Variants in HPD observed in about 807,000 individuals in gnomAD.
HPD encodes 4-hydroxyphenylpyruvate dioxygenase, also known as 4-hydroxyphenylpyruvic acid oxidase.
A neutral mutation model predicts 56.9 loss-of-function variants in HPD; 35 were observed. The observed-to-expected ratio is 0.62, with a 90% CI of 0.47 to 0.82. The LOEUF is 0.82. Ranked by LOEUF, HPD falls within the 40% of genes least tolerant of loss-of-function variation. HPD has a pLI of 0.00. For synonymous variants in HPD, 186 were observed against 200.2 expected (o/e 0.93, Z 0.60); for missense variants, 442 against 506.8 (o/e 0.87, Z 1.23).
At chr12:121,854,553 C>A in intron 7 of HPD, 150 bp downstream of exon 7, 1 of 733,832 alleles carries the variant, frequency 1.4e-6, no homozygotes, top group Non-Finnish European at 2.5e-6. Context: ...TCCCCGTACA[C>A]TGGCCAGGCA....
the HPD span, among the ~76,000 whole-genome samples, chr12:121,878,657 T>C: frequency 2.0e-5 from 3 of 150,898 alleles, no homozygotes; most frequent in Admixed American, 6.6e-5. Flanking sequence ...GTTACAGATA[T>C]GTGTTTTGGT....
the HPD span, among the ~76,000 whole-genome samples, chr12:121,880,037 T>C: frequency 6.6e-6 from 1 of 151,746 alleles, no homozygotes; most frequent in Non-Finnish European, 1.5e-5. Flanking sequence ...GTCCCAGCTA[T>C]TGGGGAGGCT....
intron 13 of HPD, 21 bp downstream of exon 13, chr12:121,839,911 C>G: frequency 6.2e-7 from 1 of 1,604,226 alleles, no homozygotes. Flanking sequence ...TCCCCTCGGG[C>G]CTGCCGGGGA....
chr12:121,865,923 G>C (rs59071684), upstream of HPD, among the ~76,000 whole-genome samples: 3,235 of 152,064 alleles, frequency 0.021, 96 homozygotes, highest in African/African-American at 0.072. Flanking sequence ...AGAGGTGGAG[G>C]TTGCGGTAAG....
chr12:121,840,436 G>A (rs1293859094), intron 12 of HPD, among the ~76,000 whole-genome samples: 3 of 152,122 alleles, frequency 2.0e-5, no homozygotes, highest in Admixed American at 2.0e-4. Flanking sequence ...GAGTAGCTGG[G>A]ACTACAGGCG....
chr12:121,861,467 G>A (rs1385921419), upstream of HPD, among the ~76,000 whole-genome samples: 1 of 151,924 alleles, frequency 6.6e-6, no homozygotes, highest in Non-Finnish European at 1.5e-5. Context: ...GTGCCACTGC[G>A]CTCCAGCCTG....
intron 11 of HPD, among the ~76,000 whole-genome samples, chr12:121,845,175 A>G (rs1030198143): frequency 6.7e-6 from 1 of 149,648 alleles, no homozygotes; most frequent in South Asian, 2.1e-4. Context: ...GTGCAGTGGC[A>G]TGATCTTAGC....
intron 2 of HPD, 51 bp downstream of exon 2, chr12:121,858,636 G>T (rs372487301): frequency 3.2e-6 from 5 of 1,577,074 alleles, no homozygotes; most frequent in Non-Finnish European, 4.4e-6. Flanking sequence ...CCTGCACTCC[G>T]ACCCCCTTCT....
chr12:121,879,072 G>A, the HPD span, among the ~76,000 whole-genome samples: 1 of 151,952 alleles, frequency 6.6e-6, no homozygotes, highest in Non-Finnish European at 1.5e-5. Context: ...ATCGCCTGAG[G>A]TCAGGAGTTT....
At chr12:121,854,173 T>C (rs1333820898) in intron 7 of HPD, among the ~76,000 whole-genome samples, 2 of 151,688 alleles carry the variant, frequency 1.3e-5, no homozygotes, top group African/African-American at 2.4e-5. Flanking sequence ...GGAGAGTCAC[T>C]TGAACCTGGG....
intron 12 of HPD, among the ~76,000 whole-genome samples, chr12:121,842,507 C>T (rs1877439453): frequency 6.6e-6 from 1 of 152,020 alleles, no homozygotes. Context: ...CTCACTGTAG[C>T]CTCTACCTCC....
the HPD span, among the ~76,000 whole-genome samples, chr12:121,879,365 G>GA: frequency 6.6e-6 from 1 of 150,888 alleles, no homozygotes; most frequent in Non-Finnish European, 1.5e-5. Flanking sequence ...TAATTAAGAG[G>GA]AAAAAAAAGT....
chr12:121,866,224 T>C (rs10840625), upstream of HPD, among the ~76,000 whole-genome samples: 93,375 of 149,598 alleles, frequency 0.62, 29,445 homozygotes, highest in African/African-American at 0.73. Context: ...TGGTGTGAAC[T>C]CGGGAGGCAG....
chr12:121,887,781 T>G, the HPD span, among the ~76,000 whole-genome samples: 1 of 152,224 alleles, frequency 6.6e-6, no homozygotes, highest in African/African-American at 2.4e-5. Context: ...TTTCACAACA[T>G]TGACTTTTTT....
chr12:121,860,367 A>G (rs557926540), upstream of HPD, among the ~76,000 whole-genome samples: 1 of 152,298 alleles, frequency 6.6e-6, no homozygotes, highest in African/African-American at 2.4e-5. Context: ...TGCTAAGCAC[A>G]AAGGCCAATG....
chr12:121,856,556 T>C, intron 5 of HPD, 27 bp downstream of exon 5: 1 of 1,613,386 alleles, frequency 6.2e-7, no homozygotes, highest in East Asian at 2.2e-5. Flanking sequence ...CACAGAGCCA[T>C]GCGTCCACCC....
the HPD span, among the ~76,000 whole-genome samples, chr12:121,876,627 C>T: frequency 6.6e-6 from 1 of 152,128 alleles, no homozygotes; most frequent in Non-Finnish European, 1.5e-5. Flanking sequence ...TCCTCATCAT[C>T]CAAAGTCCCC....
At chr12:121,865,220 A>T (rs1401426040), upstream of HPD, among the ~76,000 whole-genome samples, 1 of 151,784 alleles carries the variant, frequency 6.6e-6, no homozygotes, top group East Asian at 2.0e-4. Context: ...GTGAGCTGAG[A>T]TCATGCCAGT....
chr12:121,849,705 T>C lies in HPD; in HGVS notation c.500A>G (p.Asp167Gly). The change falls in exon 8 of 14, where the codon GAC (aspartate) becomes GGC (glycine). Residue 167 changes from aspartate to glycine, a missense_variant. Asp to Gly is a moderately conservative substitution (Grantham distance 94, BLOSUM62 -1). Coordinates refer to ENST00000289004, the MANE Select transcript of HPD (RefSeq NM_002150.3). The stretch of plus-strand genomic sequence containing the variant: ...CACTCACAGTTTAGGAAGTAGGGGG[T>C]CCATGAACGCTGGGGCCTCATATCC... ...LPGYEAPAFM[D>G]PLLPKLPKCS... is the part of the protein sequence containing the mutation. 2 of 1,612,224 alleles carry C rather than the reference T, an allele frequency of 1.2e-6. No homozygotes were observed. Among genetic ancestry groups the C allele is most frequent in the Non-Finnish European group, 1.7e-6 (2 of 1,178,568 alleles).
Sources: gnomAD v4.1 joint callset for allele counts (sites outside exome capture counted in the v4.1 genomes callset) on GRCh38, gnomAD v4.1.1 for gene constraint, MANE v1.5 for transcripts, NCBI Gene and HGNC (gene_info 2026-07-23, HGNC 2026-07-21) for gene names.